Variants in PELI2 observed in about 807,000 individuals in gnomAD.
PELI2 encodes pellino E3 ubiquitin protein ligase family member 2, also known as E3 ubiquitin-protein ligase pellino homolog 2.
Under a neutral mutation model 42.3 loss-of-function variants are expected in PELI2, and 23 were observed. That is an observed-to-expected ratio of 0.54 (90% CI 0.39 to 0.77). The LOEUF is 0.77. Among genes scored for constraint, PELI2 ranks in the 30% least tolerant of loss-of-function variants. PELI2 has a pLI of 0.00. For synonymous variants in PELI2, 245 were observed against 212.2 expected (o/e 1.15, Z -1.34); for missense variants, 463 against 553.2 (o/e 0.84, Z 1.64).
intron 2 of PELI2, among the ~76,000 whole-genome samples, chr14:56,188,871 G>A (rs1471075822): frequency 1.3e-5 from 2 of 152,100 alleles, no homozygotes; most frequent in African/African-American, 4.8e-5. Flanking sequence ...TATAAAATAG[G>A]GATTTAGGCT....
chr14:56,151,159 CTT>C (rs1884337119), intron 1 of PELI2, among the ~76,000 whole-genome samples: 2 of 152,226 alleles, frequency 1.3e-5, no homozygotes, highest in African/African-American at 4.8e-5. Flanking sequence ...CGTGTGGCCT[CTT>C]TGCAGCATCT....
intron 2 of PELI2, among the ~76,000 whole-genome samples, chr14:56,244,043 T>C (rs1888068097): frequency 6.6e-6 from 1 of 152,202 alleles, no homozygotes. Context: ...CAGAGTACAG[T>C]GGCCTCTCCA....
intron 2 of PELI2, among the ~76,000 whole-genome samples, chr14:56,247,740 ATAAAT>A (rs1218432338): frequency 1.3e-5 from 2 of 152,250 alleles, no homozygotes; most frequent in African/African-American, 4.8e-5. Flanking sequence ...TCACCCAGGT[ATAAAT>A]CTACTTTGGG....
chr14:56,227,485 C>G (rs923798662), intron 2 of PELI2, among the ~76,000 whole-genome samples: 1 of 152,140 alleles, frequency 6.6e-6, no homozygotes, highest in African/African-American at 2.4e-5. Flanking sequence ...AAGGAGAAAA[C>G]GAGAATGAAT....
chr14:56,296,904 A>G lies in PELI2; in HGVS notation c.1001A>G (p.Glu334Gly). Residue 334 changes from glutamate (E) to glycine (G), a missense_variant, in exon 6 of 6, where the codon GAG (glutamate) becomes GGG (glycine). Around this residue, in one of 3 missense-constraint regions of PELI2, gnomAD observed 103 missense variants for 129.6 expected, o/e 0.80. Transcript: ENST00000267460. ...AGTGACACGGAGGCCAACGAGAGGG[A>G]GTGTCCCATGTGCAGGACTGTGGGC... is the stretch of plus-strand genomic sequence containing the variant. ...HRSDTEANERECPMCRTVGPY... is the reference protein window; with the variant it reads ...HRSDTEANERGCPMCRTVGPY... 3 of 1,613,914 alleles carry G rather than the reference A, an allele frequency of 1.9e-6. No homozygotes were observed. Among genetic ancestry groups the G allele is most frequent in the Non-Finnish European group, 2.5e-6 (3 of 1,179,986 alleles).
chr14:56,178,659 G>A (rs549989021), intron 2 of PELI2, among the ~76,000 whole-genome samples, 195 bp downstream of exon 2: 3 of 152,278 alleles, frequency 2.0e-5, no homozygotes, highest in South Asian at 2.1e-4. Flanking sequence ...GCCTTCACCC[G>A]CTAAGTGCCA....
At chr14:56,272,120 A>T (rs1046825533) in intron 2 of PELI2, among the ~76,000 whole-genome samples, 5 of 152,232 alleles carry the variant, frequency 3.3e-5, no homozygotes, top group Non-Finnish European at 5.9e-5. Flanking sequence ...GACTATGCAG[A>T]GTGTGCTCAT....
intron 3 of PELI2, among the ~76,000 whole-genome samples, chr14:56,281,625 A>G (rs559363239): frequency 6.6e-6 from 1 of 152,260 alleles, no homozygotes; most frequent in South Asian, 2.1e-4. Context: ...AGAAGAGCCA[A>G]AGGCAAATTA....
chr14:56,154,958 GT>G (rs1228445292), intron 1 of PELI2, among the ~76,000 whole-genome samples: 2 of 152,038 alleles, frequency 1.3e-5, no homozygotes, highest in East Asian at 1.9e-4. Context: ...TTTAATTTGT[GT>G]TTTTTTGATT....
intron 5 of PELI2, 117 bp from the exon 6 acceptor site, chr14:56,296,483 T>C: frequency 1.5e-6 from 1 of 673,914 alleles, no homozygotes; most frequent in Non-Finnish European, 2.5e-6. Flanking sequence ...TTTTGTGGGA[T>C]AAATTGCTTC....
rs75679581 is a variant in PELI2 at position 56,207,620 on chromosome 14, C to G, written c.207+29156C>G. Among the ~76,000 whole-genome samples the G allele has an allele frequency of 3.6e-3, 542 of 152,312 alleles. 2 individuals are homozygous for G. Among genetic ancestry groups the G allele is most frequent in the African/African-American group, 0.012 (503 of 41,564 alleles). ...AAGCACAATTCAGCTTTAACATCCCCTAGACCTACTCAGGGGAAGCAGATA... is the reference window on the plus strand; with the variant it reads ...AAGCACAATTCAGCTTTAACATCCCGTAGACCTACTCAGGGGAAGCAGATA... On this transcript the variant is annotated intron_variant, in intron 2 of 5. Coordinates refer to ENST00000267460, the MANE Select transcript of PELI2 (RefSeq NM_021255.3).
At chr14:56,213,524 AAGT>A (rs1297037992) in intron 2 of PELI2, among the ~76,000 whole-genome samples, 1 of 152,230 alleles carries the variant, frequency 6.6e-6, no homozygotes, top group African/African-American at 2.4e-5. Flanking sequence ...TGCTGAGAAT[AAGT>A]AGAAAAAGAG....
At chr14:56,271,796 G>A (rs1889114200) in intron 2 of PELI2, among the ~76,000 whole-genome samples, 1 of 152,208 alleles carries the variant, frequency 6.6e-6, no homozygotes, top group African/African-American at 2.4e-5. Context: ...CCATCGGGCA[G>A]GCTGTTAGAG....
intron 2 of PELI2, among the ~76,000 whole-genome samples, chr14:56,184,178 A>ATTT (rs200006555): frequency 6.6e-6 from 1 of 152,030 alleles, no homozygotes; most frequent in African/African-American, 2.4e-5. Context: ...CATTTGGACA[A>ATTT]TTTTTTTAGC....
chr14:56,160,591 T>C (rs189336299), intron 1 of PELI2, among the ~76,000 whole-genome samples: 1 of 152,308 alleles, frequency 6.6e-6, no homozygotes, highest in African/African-American at 2.4e-5. Context: ...AGAAAAAGGT[T>C]ACCTGAAAGT....
intron 2 of PELI2, among the ~76,000 whole-genome samples, chr14:56,244,183 C>T (rs772793063): frequency 7.2e-5 from 11 of 152,170 alleles, no homozygotes; most frequent in East Asian, 1.9e-4. Context: ...TTACATTCAT[C>T]CTAGCAAAAG....
At chr14:56,237,978 A>G (rs139178520) in intron 2 of PELI2, among the ~76,000 whole-genome samples, 226 of 152,218 alleles carry the variant, frequency 1.5e-3, no homozygotes, top group Middle Eastern at 6.8e-3. Context: ...TATGTCTTTA[A>G]AAAAAGATAA....
At chr14:56,203,579 G>A (rs940491866) in intron 2 of PELI2, among the ~76,000 whole-genome samples, 1 of 152,100 alleles carries the variant, frequency 6.6e-6, no homozygotes, top group Admixed American at 6.5e-5. Context: ...GAAGGACAAA[G>A]CAGTGATTAA....
At chr14:56,121,269 C>T (rs578010855) in intron 1 of PELI2, among the ~76,000 whole-genome samples, 13 of 150,846 alleles carry the variant, frequency 8.6e-5, no homozygotes, top group Non-Finnish European at 1.9e-4. Flanking sequence ...ATGTGACTGT[C>T]CTTTTTGCTC....
Sources: allele counts gnomAD v4.1 joint callset (sites outside exome capture counted in the v4.1 genomes callset), GRCh38; gene constraint gnomAD v4.1.1; regional missense constraint gnomAD v4.1.1; transcripts MANE v1.5; gene names NCBI Gene and HGNC (gene_info 2026-07-23, HGNC 2026-07-21).